The following TRPC1 variants were observed in gnomAD, a reference collection of about 807,000 sequenced individuals.
The protein encoded by TRPC1 is short transient receptor potential channel 1.
In TRPC1, 42 loss-of-function variants were observed where a neutral mutation model predicts 88.2. The ratio of observed to expected loss-of-function variants is 0.48; its 90% CI spans 0.37 to 0.62. The LOEUF (loss-of-function observed/expected upper bound fraction) is 0.62, where lower values mean the gene tolerates loss of function less well. TRPC1 is among the 20% of genes least tolerant of loss of function. The probability of loss-of-function intolerance (pLI) is 0.00; values close to 1 mark genes in which losing one functional copy is unlikely to be tolerated. For missense variants in TRPC1, 699 were observed against 957.3 expected (o/e 0.73, Z 3.56); for synonymous variants, 288 against 331.8 (o/e 0.87, Z 1.43).
chr3:142,739,552 G>A (rs1318076136), intron 2 of TRPC1, among the ~76,000 whole-genome samples: 1 of 152,168 alleles, frequency 6.6e-6, no homozygotes, highest in Admixed American at 6.5e-5. Flanking sequence ...GTTGGGTTGG[G>A]GAGTAGTAGG....
intron 1 of TRPC1, among the ~76,000 whole-genome samples, chr3:142,728,335 CT>C (rs72269824): frequency 0.48 from 66,109 of 137,660 alleles, 17,088 homozygotes; most frequent in African/African-American, 0.73. Flanking sequence ...GACTGTATTT[CT>C]TTTTTTTTTT....
chr3:142,753,770 C>T (rs1934862992), intron 4 of TRPC1, among the ~76,000 whole-genome samples: 2 of 149,054 alleles, frequency 1.3e-5, no homozygotes, highest in Non-Finnish European at 1.5e-5. Flanking sequence ...CAAGGTTTCT[C>T]AGAATTTGAA....
chr3:142,751,468 A>G (rs533723584), intron 4 of TRPC1, among the ~76,000 whole-genome samples: 11 of 152,346 alleles, frequency 7.2e-5, no homozygotes, highest in South Asian at 2.1e-4. Flanking sequence ...TTAATGGGCT[A>G]TGTCAACTAG....
In TRPC1 at chr3:142,806,342, T is replaced by C. The variant is rs1365742811; in HGVS notation, c.*107T>C. 2.3e-6 allele frequency: 2 copies of C among 855,518 alleles called. No homozygotes were observed. Among genetic ancestry groups the C allele is most frequent in the Non-Finnish European group, 3.5e-6 (2 of 567,844 alleles). The allele number at this position is 855,518 out of a possible 1,614,324, so 53.0% of individuals were successfully genotyped here. ...AGATATATATTGAAATAAAGAATTA[T>C]GTAAAAGCCATTCTTTAAAATATTT... On this transcript the variant is annotated 3_prime_UTR_variant, in exon 13 of 13. Coordinates refer to ENST00000476941, the MANE Select transcript of TRPC1 (RefSeq NM_001251845.2).
At chr3:142,768,918 T>C (rs1935484363) in intron 4 of TRPC1, among the ~76,000 whole-genome samples, 1 of 152,128 alleles carries the variant, frequency 6.6e-6, no homozygotes, top group Non-Finnish European at 1.5e-5. Flanking sequence ...AATTATTCCT[T>C]TAAATAATCT....
chr3:142,768,485 A>G lies in TRPC1; in HGVS notation c.633-9147A>G, dbSNP rs138597836. On this transcript the variant is annotated intron_variant, in intron 4 of 12. Transcript: ENST00000476941. The stretch of plus-strand genomic sequence containing the variant: ...AATATGCTTGTTTTTCTTAATTTAA[A>G]TAGTCTTTTTTGGACAGTGTACTAT... Among the ~76,000 whole-genome samples the G allele has an allele frequency of 4.4e-3, 673 of 152,156 alleles. 5 individuals carry two copies. The highest frequency in any genetic ancestry group is 5.7e-3 in the Non-Finnish European group (390 of 67,928).
intron 6 of TRPC1, among the ~76,000 whole-genome samples, chr3:142,782,747 A>G (rs1936003787): frequency 6.6e-6 from 1 of 152,208 alleles, no homozygotes; most frequent in Admixed American, 6.5e-5. Context: ...GAGAACTCAC[A>G]ACAGGAACCA....
intron 6 of TRPC1, among the ~76,000 whole-genome samples, chr3:142,783,520 A>G (rs995031490): frequency 2.0e-5 from 3 of 152,234 alleles, no homozygotes; most frequent in Admixed American, 1.3e-4. Context: ...TGGATTCAAC[A>G]TAGTACTTGC....
intron 1 of TRPC1, among the ~76,000 whole-genome samples, chr3:142,728,476 G>A (rs1412659394): frequency 6.6e-5 from 10 of 151,914 alleles, no homozygotes; most frequent in South Asian, 4.2e-4. Context: ...CCACCACCAC[G>A]CCCGGCTAAT....
chr3:142,780,994 C>T lies in TRPC1; in HGVS notation c.925C>T (p.Arg309Cys). Residue 309 changes from arginine to cysteine, a missense_variant, in exon 6 of 13, where the codon CGT becomes TGT. This residue lies in a region of TRPC1 where 426 missense variants were observed against 641.3 expected (regional missense o/e 0.66). Coordinates refer to ENST00000476941, the MANE Select transcript of TRPC1 (RefSeq NM_001251845.2). ...ATTAGAAGAAAGAATGAATTTAAGT[C>T]GTCTAAAACTTGCTATCAAATATAA... is the stretch of plus-strand genomic sequence containing the variant. The part of the protein sequence containing the change: ...GLLEERMNLS[R>C]LKLAIKYNQK... 6.2e-7 allele frequency: 1 copy of T among 1,612,614 alleles called. No homozygotes were observed. Among genetic ancestry groups the T allele is most frequent in the Non-Finnish European group, 8.5e-7 (1 of 1,179,360 alleles).
intron 5 of TRPC1, 52 bp from the exon 6 acceptor site, chr3:142,780,782 T>G (rs554127938): frequency 6.6e-7 from 1 of 1,510,154 alleles, no homozygotes; most frequent in East Asian, 2.3e-5. Flanking sequence ...GAATATAGCT[T>G]AATTAGAAGA....
At chr3:142,726,853 CG>C (rs1933694075) in intron 1 of TRPC1, among the ~76,000 whole-genome samples, 1 of 152,102 alleles carries the variant, frequency 6.6e-6, no homozygotes. Flanking sequence ...CTATTGGGGT[CG>C]AGTGTTCATG....
intron 4 of TRPC1, among the ~76,000 whole-genome samples, chr3:142,762,966 T>C (rs892489286): frequency 1.3e-5 from 2 of 152,176 alleles, no homozygotes; most frequent in Non-Finnish European, 2.9e-5. Context: ...AATTTCCATG[T>C]GTCTGTGTAT....
chr3:142,749,910 C>T (rs2108048930), intron 4 of TRPC1, among the ~76,000 whole-genome samples: 1 of 152,218 alleles, frequency 6.6e-6, no homozygotes, highest in East Asian at 1.9e-4. Context: ...ACACCTTATA[C>T]AAAAATTAAC....
intron 4 of TRPC1, among the ~76,000 whole-genome samples, chr3:142,755,386 T>C (rs189335023): frequency 3.9e-5 from 6 of 152,098 alleles, no homozygotes; most frequent in Admixed American, 3.3e-4. Context: ...GATTGCACCA[T>C]TGCACTCCAG....
intron 7 of TRPC1, among the ~76,000 whole-genome samples, chr3:142,785,832 T>G (rs930956547): frequency 1.3e-5 from 2 of 152,210 alleles, no homozygotes; most frequent in South Asian, 4.1e-4. Flanking sequence ...TATATCTTGC[T>G]TTATCTCTAT....
intron 1 of TRPC1, among the ~76,000 whole-genome samples, chr3:142,730,051 A>G (rs1327724772): frequency 2.0e-5 from 3 of 152,164 alleles, no homozygotes; most frequent in Admixed American, 2.0e-4. Flanking sequence ...AATATGTATA[A>G]TTCAAATGTA....
At chr3:142,751,230 C>T (rs1195370053) in intron 4 of TRPC1, among the ~76,000 whole-genome samples, 1 of 152,190 alleles carries the variant, frequency 6.6e-6, no homozygotes. Flanking sequence ...CACCCACTCA[C>T]TACCTCACCC....
At chr3:142,765,009 T>C (rs1935332770) in intron 4 of TRPC1, among the ~76,000 whole-genome samples, 1 of 152,106 alleles carries the variant, frequency 6.6e-6, no homozygotes, top group Non-Finnish European at 1.5e-5. Context: ...TCAAGCAGAA[T>C]TTCTATACAT....
Sources: gnomAD v4.1 joint callset for allele counts (sites outside exome capture counted in the v4.1 genomes callset) on GRCh38, gnomAD v4.1.1 for gene constraint, gnomAD v4.1.1 regional missense constraint, MANE v1.5 for transcripts, NCBI Gene and HGNC (gene_info 2026-07-23, HGNC 2026-07-21) for gene names.